The following DNM3 variants were observed in gnomAD, a reference collection of about 807,000 sequenced individuals.
The protein encoded by DNM3 is dynamin 3, also known as dynamin-3.
In DNM3, 47 loss-of-function variants were observed where a neutral mutation model predicts 101.6. That is an observed-to-expected ratio of 0.46 (90% confidence interval 0.37 to 0.59). DNM3 has a LOEUF of 0.59. Among genes scored for constraint, DNM3 ranks in the 20% least tolerant of loss-of-function variants. The probability of loss-of-function intolerance (pLI) is 0.00; values close to 1 mark genes in which losing one functional copy is unlikely to be tolerated. For synonymous variants in DNM3, 385 were observed against 387.9 expected (o/e 0.99, Z 0.09); for missense variants, 849 against 1,085.7 (o/e 0.78, Z 3.06).
Position 172,357,177 on chromosome 1 carries a change from G to A in DNM3, c.1894-21841G>A, listed in dbSNP as rs528490552. On this transcript the variant is annotated intron_variant, in intron 17 of 20. Transcript: ENST00000627582. The stretch of plus-strand genomic sequence containing the variant: ...AAATCACCATTTGCAAAACATCACA[G>A]TAATAGTTTCTCTTAAGAATCATCA... Among the ~76,000 whole-genome samples, 13 of 152,142 alleles carry A rather than the reference G, an allele frequency of 8.5e-5. No homozygotes were observed. The South Asian group carries it at 2.5e-3, about 29-fold the overall frequency.
At chr1:171,951,358 C>G (rs2042513656) in intron 2 of DNM3, among the ~76,000 whole-genome samples, 1 of 152,108 alleles carries the variant, frequency 6.6e-6, no homozygotes, top group Non-Finnish European at 1.5e-5. Flanking sequence ...TATCAAGTGA[C>G]AAAATTATTG....
chr1:172,417,121 GCAAGAATAAGATGTGTAA>G (rs1456953016), downstream of DNM3, among the ~76,000 whole-genome samples: 1 of 151,932 alleles, frequency 6.6e-6, no homozygotes, highest in Non-Finnish European at 1.5e-5. Flanking sequence ...CCACTCACAA[GCAAGAATAAGATGTGTAA>G]CAAGAATAAG....
chr1:171,874,848 A>C (rs2035614983), intron 1 of DNM3, among the ~76,000 whole-genome samples: 1 of 151,002 alleles, frequency 6.6e-6, no homozygotes, highest in Admixed American at 6.6e-5. Context: ...AGTAGCCCCC[A>C]GTGGCTATTG....
At chr1:171,863,067 A>G (rs1476770890) in intron 1 of DNM3, among the ~76,000 whole-genome samples, 2 of 151,326 alleles carry the variant, frequency 1.3e-5, no homozygotes, top group Non-Finnish European at 3.0e-5. Context: ...TTTAAAGACA[A>G]TACATAACAT....
At chr1:171,908,293 GAA>G (rs1558247775) in intron 1 of DNM3, among the ~76,000 whole-genome samples, 2 of 150,146 alleles carry the variant, frequency 1.3e-5, no homozygotes, top group Non-Finnish European at 3.0e-5. Flanking sequence ...GGTGATGATT[GAA>G]AAGTCACTTA....
At chr1:171,922,529 C>G (rs1295985073) in intron 2 of DNM3, among the ~76,000 whole-genome samples, 1 of 152,130 alleles carries the variant, frequency 6.6e-6, no homozygotes, top group East Asian at 1.9e-4. Flanking sequence ...TTTTTAATAG[C>G]TTGTTAAAGA....
chr1:172,274,548 T>C (rs1201833800), intron 15 of DNM3, among the ~76,000 whole-genome samples: 2 of 152,002 alleles, frequency 1.3e-5, no homozygotes, highest in African/African-American at 4.8e-5. Flanking sequence ...TCCACTGTGA[T>C]AGATCTGAGA....
intron 14 of DNM3, among the ~76,000 whole-genome samples, chr1:172,233,966 T>G (rs1337706888): frequency 6.6e-6 from 1 of 152,194 alleles, no homozygotes; most frequent in Non-Finnish European, 1.5e-5. Flanking sequence ...AAGCATTCCT[T>G]TTGAAAACTG....
rs1198942975 is a variant in DNM3 at position 172,336,128 on chromosome 1, A to G, written c.1893+12788A>G. ...GGCCAGAGATGCTGCTAAACACCCT[A>G]TAAGGCACAGGACAGCCCCCCACAC... On this transcript the variant is annotated intron_variant, in intron 17 of 20. Transcript: ENST00000627582. Among the ~76,000 whole-genome samples the G allele has an allele frequency of 2.0e-5, 3 of 152,142 alleles. 1 individual carries two copies. The highest frequency in any genetic ancestry group is 4.4e-5 in the Non-Finnish European group (3 of 68,032).
At chr1:172,194,311 G>A (rs1479342618) in intron 14 of DNM3, among the ~76,000 whole-genome samples, 2 of 152,262 alleles carry the variant, frequency 1.3e-5, no homozygotes, top group Non-Finnish European at 2.9e-5. Context: ...TAAGTGTGAT[G>A]TGGTGCTGAG....
chr1:171,854,151 C>T (rs2033314620), intron 1 of DNM3, among the ~76,000 whole-genome samples: 1 of 152,052 alleles, frequency 6.6e-6, no homozygotes, highest in African/African-American at 2.4e-5. Context: ...AGAGTGTAGT[C>T]AGAACTTACA....
intron 13 of DNM3, among the ~76,000 whole-genome samples, chr1:172,115,040 A>G (rs377525864): frequency 1.8e-4 from 28 of 152,338 alleles, no homozygotes; most frequent in African/African-American, 6.7e-4. Flanking sequence ...AAGAGAATAT[A>G]CCAAGGAAAG....
chr1:172,206,160 T>C (rs944980868), intron 14 of DNM3, among the ~76,000 whole-genome samples: 2 of 152,106 alleles, frequency 1.3e-5, no homozygotes, highest in African/African-American at 4.8e-5. Context: ...AAATTCGAAT[T>C]TTTACTTACA....
At chr1:172,157,384 C>T (rs2058380731) in intron 14 of DNM3, among the ~76,000 whole-genome samples, 1 of 152,006 alleles carries the variant, frequency 6.6e-6, no homozygotes, top group Admixed American at 6.6e-5. Context: ...TCTTAACAGG[C>T]CAAGGACTGG....
intron 17 of DNM3, among the ~76,000 whole-genome samples, chr1:172,357,972 T>A (rs1455712695): frequency 1.3e-5 from 2 of 151,932 alleles, no homozygotes; most frequent in African/African-American, 4.8e-5. Flanking sequence ...ACAGTTTGAG[T>A]CTGAAGCACA....
At chr1:171,993,604 G>C (rs188340870) in intron 4 of DNM3, among the ~76,000 whole-genome samples, 228 of 149,366 alleles carry the variant, frequency 1.5e-3, no homozygotes, top group South Asian at 4.0e-3. Flanking sequence ...TGGATGTGTA[G>C]ATTAATGCTT....
At chr1:172,047,262 T>G (rs1018612015) in intron 9 of DNM3, among the ~76,000 whole-genome samples, 5 of 152,160 alleles carry the variant, frequency 3.3e-5, no homozygotes, top group Non-Finnish European at 7.3e-5. Flanking sequence ...GAGACAGTCC[T>G]TATGGAGCAA....
At chr1:172,133,182 G>T in intron 14 of DNM3, 1 of 1,286,574 alleles carries the variant, frequency 7.8e-7, no homozygotes, top group Non-Finnish European at 9.8e-7. Context: ...GTCTGGCTCT[G>T]TGAGTCCTGA....
chr1:172,324,810 A>G (rs2065874344), intron 17 of DNM3, among the ~76,000 whole-genome samples: 1 of 140,448 alleles, frequency 7.1e-6, no homozygotes. Flanking sequence ...CTTGTACTGC[A>G]TTTCTTATTT....
Sources: gnomAD v4.1 joint callset for allele counts (sites outside exome capture counted in the v4.1 genomes callset) on GRCh38, gnomAD v4.1.1 for gene constraint, MANE v1.5 for transcripts, NCBI Gene and HGNC (gene_info 2026-07-23, HGNC 2026-07-21) for gene names.